Variants in ANKS1B observed in about 807,000 individuals in gnomAD.
ANKS1B encodes ankyrin repeat and sterile alpha motif domain-containing protein 1B.
A neutral mutation model predicts 148.3 loss-of-function variants in ANKS1B; 36 were observed. The ratio of observed to expected loss-of-function variants is 0.24; its 90% confidence interval spans 0.19 to 0.32. The LOEUF (loss-of-function observed/expected upper bound fraction) is 0.32, where lower values mean the gene tolerates loss of function less well. Ranked by LOEUF, ANKS1B falls within the 10% of genes least tolerant of loss-of-function variation. The pLI is 1.00. For missense variants in ANKS1B, 1,157 were observed against 1,542.6 expected, an observed-to-expected ratio of 0.75 and a Z score of 4.19; for synonymous variants, 542 against 560.8, an observed-to-expected ratio of 0.97 and a Z score of 0.47.
chr12:99,568,254 C>T (rs1057204489), intron 9 of ANKS1B, among the ~76,000 whole-genome samples: 30 of 152,136 alleles, frequency 2.0e-4, no homozygotes, highest in African/African-American at 7.0e-4. Flanking sequence ...GGGCTCATGG[C>T]CTCTTCCTCT....
At chr12:98,787,384 G>A (rs1346690443) in intron 22 of ANKS1B, among the ~76,000 whole-genome samples, 1 of 152,146 alleles carries the variant, frequency 6.6e-6, no homozygotes, top group Non-Finnish European at 1.5e-5. Context: ...TCTCAGCGTG[G>A]TCTGCTTGCT....
intron 22 of ANKS1B, 57 bp from the exon 23 acceptor site, chr12:98,782,194 A>G: frequency 7.0e-7 from 1 of 1,423,176 alleles, no homozygotes; most frequent in South Asian, 1.2e-5. Flanking sequence ...AAACATATAA[A>G]AGGTGAGAGA....
chr12:99,982,887 C>A (rs754601740), intron 1 of ANKS1B, among the ~76,000 whole-genome samples: 27 of 152,144 alleles, frequency 1.8e-4, no homozygotes, highest in Non-Finnish European at 3.1e-4. Context: ...CAATTTATTT[C>A]ACTGTAATAG....
At chr12:99,062,056 G>A (rs2042626467) in intron 16 of ANKS1B, among the ~76,000 whole-genome samples, 1 of 152,180 alleles carries the variant, frequency 6.6e-6, no homozygotes, top group Admixed American at 6.5e-5. Context: ...AGAAATTTAA[G>A]ATGCTATGCT....
chr12:99,803,460 T>A (rs1012335585), intron 4 of ANKS1B, among the ~76,000 whole-genome samples: 16 of 152,128 alleles, frequency 1.1e-4, no homozygotes, highest in Non-Finnish European at 2.4e-4. Flanking sequence ...AGAATGAGTG[T>A]CAATAGAAGA....
chr12:98,809,280 A>G (rs2099075511), intron 19 of ANKS1B, among the ~76,000 whole-genome samples: 1 of 152,162 alleles, frequency 6.6e-6, no homozygotes, highest in Non-Finnish European at 1.5e-5. Flanking sequence ...CTTTCTAGCA[A>G]GTTCAGTCTT....
chr12:99,642,976 T>C (rs556367569), intron 9 of ANKS1B, among the ~76,000 whole-genome samples: 1 of 151,952 alleles, frequency 6.6e-6, no homozygotes, highest in African/African-American at 2.4e-5. Flanking sequence ...CCTTCATAAT[T>C]ACATTGGGCA....
chr12:99,410,714 C>A (rs1380549009), intron 11 of ANKS1B, among the ~76,000 whole-genome samples: 1 of 152,052 alleles, frequency 6.6e-6, no homozygotes, highest in Non-Finnish European at 1.5e-5. Flanking sequence ...GGAAATTTCT[C>A]TGAGGAGGTA....
chr12:99,951,128 C>G (rs2095212253), intron 1 of ANKS1B, among the ~76,000 whole-genome samples: 1 of 152,228 alleles, frequency 6.6e-6, no homozygotes, highest in South Asian at 2.1e-4. Flanking sequence ...TTCCATCCAT[C>G]TCTATGTGAC....
chr12:99,373,306 A>G (rs1367197331), intron 12 of ANKS1B, among the ~76,000 whole-genome samples: 1 of 152,198 alleles, frequency 6.6e-6, no homozygotes, highest in Non-Finnish European at 1.5e-5. Flanking sequence ...GAAGATACAG[A>G]AATAAATTCC....
At chr12:99,882,656 A>AG (rs1480126655) in intron 1 of ANKS1B, among the ~76,000 whole-genome samples, 1 of 152,132 alleles carries the variant, frequency 6.6e-6, no homozygotes, top group Non-Finnish European at 1.5e-5. Context: ...AGGGTGGGGA[A>AG]GGGGGTGAAG....
intron 22 of ANKS1B, among the ~76,000 whole-genome samples, chr12:98,786,009 C>G (rs1264864427): frequency 6.6e-6 from 1 of 152,116 alleles, no homozygotes. Flanking sequence ...AATTTACCCC[C>G]CTTCAGAGCC....
At chr12:99,765,879 A>G (rs542639529) in intron 8 of ANKS1B, among the ~76,000 whole-genome samples, 32 of 152,330 alleles carry the variant, frequency 2.1e-4, no homozygotes, top group African/African-American at 7.5e-4. Context: ...TAACCGATGC[A>G]GAAACTAAGG....
At chr12:99,048,684 C>T (rs905488561) in intron 17 of ANKS1B, 19 of 152,638 alleles carry the variant, frequency 1.2e-4, no homozygotes, top group Admixed American at 6.5e-5. Flanking sequence ...CATCACCACC[C>T]TCCAGAACAT....
chr12:99,819,711 T>C (rs574275530), intron 2 of ANKS1B, among the ~76,000 whole-genome samples: 45 of 151,624 alleles, frequency 3.0e-4, no homozygotes, highest in African/African-American at 1.0e-3. Flanking sequence ...ATTTGTTAAG[T>C]AGAGAAGAAA....
At chr12:99,933,173 A>G (rs2094669229) in intron 1 of ANKS1B, among the ~76,000 whole-genome samples, 1 of 152,174 alleles carries the variant, frequency 6.6e-6, no homozygotes, top group Admixed American at 6.6e-5. Context: ...GCTCTGTAGT[A>G]TAATTTGAAT....
intron 17 of ANKS1B, among the ~76,000 whole-genome samples, chr12:99,013,842 A>G (rs2153419048): frequency 6.6e-6 from 1 of 152,246 alleles, no homozygotes. Context: ...ACAGACTTAC[A>G]AATCACTGCC....
At chr12:99,017,978 C>T (rs1351094091) in intron 17 of ANKS1B, among the ~76,000 whole-genome samples, 1 of 152,116 alleles carries the variant, frequency 6.6e-6, no homozygotes, top group African/African-American at 2.4e-5. Context: ...TCCTGAGACC[C>T]TCTTTGGAAA....
chr12:99,098,338 C>A (rs1057294383), intron 15 of ANKS1B, among the ~76,000 whole-genome samples: 1 of 152,150 alleles, frequency 6.6e-6, no homozygotes, highest in Non-Finnish European at 1.5e-5. Flanking sequence ...TCTTTCTCTG[C>A]CAGCCCAGTC....
Sources: allele counts gnomAD v4.1 joint callset (sites outside exome capture counted in the v4.1 genomes callset), GRCh38; gene constraint gnomAD v4.1.1; transcripts MANE v1.5; gene names NCBI Gene and HGNC (gene_info 2026-07-23, HGNC 2026-07-21).